The following SBDS variants were observed in gnomAD, a reference collection of about 807,000 sequenced individuals.
The protein encoded by SBDS is ribosome maturation protein SBDS.
In SBDS, 20 loss-of-function variants were observed where a neutral mutation model predicts 26.4. That is an observed-to-expected ratio of 0.76 (90% CI 0.53 to 1.10). The LOEUF (loss-of-function observed/expected upper bound fraction) is 1.10. SBDS is among the 50% of genes least tolerant of loss of function. The pLI is 0.00. For missense variants in SBDS, 241 were observed against 302.0 expected, an observed-to-expected ratio of 0.80 and a Z score of 1.50; for synonymous variants, 95 against 105.1, an observed-to-expected ratio of 0.90 and a Z score of 0.59.
Position 66,993,289 on chromosome 7 carries a change from G to A in SBDS, c.387C>T (p.Thr129=), listed in dbSNP as rs766637596. The change falls in exon 3 of 5, where the codon ACC becomes ACT. Residue 129 remains threonine (T), a synonymous_variant. Coordinates refer to ENST00000246868, the MANE Select transcript of SBDS (RefSeq NM_016038.4). ...CVNPETKRPY[T]VILIERAMKD... Reference sequence around the variant, plus strand: ...TCATGGCTCTCTCAATAAGGATCACGGTGTATGGTCTCTTTGTTTCAGGAT... The same window carrying A: ...TCATGGCTCTCTCAATAAGGATCACAGTGTATGGTCTCTTTGTTTCAGGAT... 70 of 1,613,900 alleles carry A rather than the reference G, an allele frequency of 4.3e-5. No individual in the cohort carries two copies. Among genetic ancestry groups the A allele is most frequent in the Middle Eastern group, 3.3e-4 (2 of 6,084 alleles).
At chr7:66,989,211 C>T (rs961627104) in intron 4 of SBDS, among the ~76,000 whole-genome samples, 7 of 151,476 alleles carry the variant, frequency 4.6e-5, no homozygotes, top group Non-Finnish European at 7.4e-5. Context: ...ACAGTGGATA[C>T]TCACATACTC....
rs1217811332 is a variant in SBDS at position 66,988,483 on chromosome 7, G to A, written c.641C>T (p.Pro214Leu). The part of the protein sequence containing the change: ...QQLEIVCLID[P>L]GCFREIDELI... ...CTCATCAATTTCTCGGAAGCAGCCCGGGTCAATCAGACATACCTGAAACAT... is the reference window on the plus strand; with the variant it reads ...CTCATCAATTTCTCGGAAGCAGCCCAGGTCAATCAGACATACCTGAAACAT... The change falls in exon 5 of 5, where the codon CCG (proline) becomes CTG (leucine). Residue 214 changes from proline to leucine, a missense_variant. Coordinates refer to ENST00000246868, the MANE Select transcript of SBDS (RefSeq NM_016038.4). 1.2e-6 allele frequency: 2 copies of A among 1,613,638 alleles called. No homozygotes were observed. Among genetic ancestry groups the A allele is most frequent in the Non-Finnish European group, 1.7e-6 (2 of 1,179,970 alleles).
At chr7:66,991,753 G>GT (rs546288160) in intron 3 of SBDS, among the ~76,000 whole-genome samples, 6 of 151,510 alleles carry the variant, frequency 4.0e-5, no homozygotes, top group Admixed American at 1.3e-4. Context: ...AAGAGGGCGG[G>GT]GGGGGTGGGC....
intron 2 of SBDS, among the ~76,000 whole-genome samples, chr7:66,993,802 A>G (rs1395956316): frequency 6.6e-6 from 1 of 151,958 alleles, no homozygotes; most frequent in Admixed American, 6.6e-5. Flanking sequence ...TGAATCCAGG[A>G]GGCAGAGGTT....
At chr7:66,993,693 GT>G (rs1372585669) in intron 2 of SBDS, among the ~76,000 whole-genome samples, 7 of 152,024 alleles carry the variant, frequency 4.6e-5, no homozygotes, top group Non-Finnish European at 1.0e-4. Flanking sequence ...GGCCAACATG[GT>G]GAAACCCCAT....
At chr7:66,991,519 G>A (rs1354284494) in intron 3 of SBDS, among the ~76,000 whole-genome samples, 5 of 152,152 alleles carry the variant, frequency 3.3e-5, no homozygotes, top group Non-Finnish European at 7.3e-5. Flanking sequence ...AAGGCCAGGT[G>A]TGGTGGCTCA....
At chr7:66,995,175 T>G in intron 1 of SBDS, 115 bp downstream of exon 1, 2 of 1,457,620 alleles carry the variant, frequency 1.4e-6, no homozygotes, top group Non-Finnish European at 1.9e-6. Context: ...AATGTTCCAT[T>G]TCCTCCCCGG....
intron 4 of SBDS, among the ~76,000 whole-genome samples, chr7:66,990,579 A>G (rs1198539678): frequency 1.3e-5 from 2 of 152,198 alleles, no homozygotes; most frequent in African/African-American, 4.8e-5. Flanking sequence ...TAAAATAGCA[A>G]TTTTTAAGTG....
At chr7:66,990,231 T>A (rs1792946439) in intron 4 of SBDS, among the ~76,000 whole-genome samples, 1 of 152,170 alleles carries the variant, frequency 6.6e-6, no homozygotes, top group Non-Finnish European at 1.5e-5. Context: ...TTGGTCAGAC[T>A]GGTCTCGAAC....
intron 4 of SBDS, among the ~76,000 whole-genome samples, chr7:66,988,782 C>T (rs1030003615): frequency 6.6e-6 from 1 of 152,210 alleles, no homozygotes; most frequent in Admixed American, 6.6e-5. Context: ...AACTAGAAAA[C>T]TCTGATTCTT....
rs377469960 is a variant in SBDS, at chr7:66,995,445, G to A, written c.-28C>T. Reference sequence around the variant, plus strand: ...CGGCTGTTCAAAGACCCAGAAGCCGGCGAACCAGGGCTGACCCGCGCCGTC... The same window carrying A: ...CGGCTGTTCAAAGACCCAGAAGCCGACGAACCAGGGCTGACCCGCGCCGTC... On this transcript the variant is annotated 5_prime_UTR_variant, in exon 1 of 5. Coordinates refer to ENST00000246868, the MANE Select transcript of SBDS (RefSeq NM_016038.4). 16 of 1,612,654 alleles carry A rather than the reference G, an allele frequency of 9.9e-6. No individual in the cohort carries two copies. Among genetic ancestry groups the A allele is most frequent in the Admixed American group, 6.7e-5 (4 of 60,008 alleles).
At position 66,993,323 on chromosome 7, in the gene SBDS, T is replaced by A. The variant is rs1473147306; in HGVS notation, c.353A>T (p.Lys118Ile). 1 of 1,614,112 alleles carries A rather than the reference T, an allele frequency of 6.2e-7. No individual in the cohort carries two copies. Reference sequence around the variant, plus strand: ...TCTCTTTGTTTCAGGATTCACACATTTGTCTGCCACAATAGTTGCAATGTC... The same window carrying A: ...TCTCTTTGTTTCAGGATTCACACATATGTCTGCCACAATAGTTGCAATGTC... Reference protein sequence around the residue: ...FRDIATIVADKCVNPETKRPY... With the variant: ...FRDIATIVADICVNPETKRPY... Residue 118 changes from lysine (K) to isoleucine (I), a missense_variant, in exon 3 of 5, where the codon AAA becomes ATA. Coordinates refer to ENST00000246868, the MANE Select transcript of SBDS (RefSeq NM_016038.4).
chr7:66,989,835 T>C (rs1442931815), intron 4 of SBDS, among the ~76,000 whole-genome samples: 1 of 148,416 alleles, frequency 6.7e-6, no homozygotes, highest in Non-Finnish European at 1.5e-5. Flanking sequence ...CCACCCCTTA[T>C]CAACTTGGCA....
At position 66,993,499 on chromosome 7, in the gene SBDS, A is replaced by T; in HGVS notation, c.259-82T>A. Reference sequence around the variant, plus strand: ...TATTAACTAACCATAAAAAATGAGTAACTGGATGGAGAGAAAATTAAATTT... The same window carrying T: ...TATTAACTAACCATAAAAAATGAGTTACTGGATGGAGAGAAAATTAAATTT... On this transcript the variant is annotated intron_variant, in intron 2 of 4. Coordinates refer to ENST00000246868, the MANE Select transcript of SBDS (RefSeq NM_016038.4). 8.3e-6 allele frequency: 9 copies of T among 1,077,876 alleles called. No individual in the cohort carries two copies. The South Asian group carries it at 1.1e-4, about 14-fold the overall frequency. 66.8% of individuals were successfully genotyped at this position (1,077,876 alleles called of 1,614,324 possible).
In SBDS at chr7:66,995,404, G is replaced by C; in HGVS notation, c.14C>G (p.Thr5Ser). The C allele has an allele frequency of 6.2e-7, 1 of 1,613,902 alleles. No individual in the cohort carries two copies. Among genetic ancestry groups the C allele is most frequent in the Non-Finnish European group, 8.5e-7 (1 of 1,180,006 alleles). The change falls in exon 1 of 5, where the codon ACC (threonine) becomes AGC (serine). Residue 5 changes from threonine (T) to serine (S), a missense_variant. Physicochemically the swap from Thr to Ser is moderately conservative, Grantham distance 58. Coordinates refer to ENST00000246868, the MANE Select transcript of SBDS (RefSeq NM_016038.4). Reference sequence around the variant, plus strand: ...GGTTAGGCGGATCTGGTTGGTGGGGGTGAAGATCGACATCGCGGCTGTTCA... The same window carrying C: ...GGTTAGGCGGATCTGGTTGGTGGGGCTGAAGATCGACATCGCGGCTGTTCA... MSIF[T>S]PTNQIRLTNV... is the part of the protein sequence containing the mutation.
At chr7:66,991,016 CA>C (rs369766006) in intron 4 of SBDS, 120 bp downstream of exon 4, 59,762 of 686,650 alleles carry the variant, frequency 0.087, 12 homozygotes, top group South Asian at 0.13. Flanking sequence ...GACTCCATCT[CA>C]AAAAAAAAAA....
chr7:66,995,112 A>G (rs1719504772), intron 1 of SBDS, 178 bp downstream of exon 1: 6 of 816,598 alleles, frequency 7.3e-6, no homozygotes, highest in Non-Finnish European at 1.1e-5. Flanking sequence ...TAAAGAAGAA[A>G]CCCTTGGCTT....
intron 3 of SBDS, among the ~76,000 whole-genome samples, chr7:66,991,672 G>A (rs1210017519): frequency 7.2e-6 from 1 of 139,016 alleles, no homozygotes; most frequent in Non-Finnish European, 1.5e-5. Flanking sequence ...GGTAGTGCAC[G>A]CCTGTAATCC....
At chr7:66,990,809 G>C (rs1792960255) in intron 4 of SBDS, among the ~76,000 whole-genome samples, 1 of 152,126 alleles carries the variant, frequency 6.6e-6, no homozygotes, top group Admixed American at 6.6e-5. Context: ...GAGGTCAGGA[G>C]ATCAAGACCG....
Sources: gnomAD v4.1 joint callset for allele counts (sites outside exome capture counted in the v4.1 genomes callset) on GRCh38, gnomAD v4.1.1 for gene constraint, MANE v1.5 for transcripts, NCBI Gene and HGNC (gene_info 2026-07-23, HGNC 2026-07-21) for gene names.